The following MINDY2 variants were observed in gnomAD, a reference collection of about 807,000 sequenced individuals.
The protein encoded by MINDY2 is MINDY lysine 48 deubiquitinase 2.
A neutral mutation model predicts 68.2 loss-of-function variants in MINDY2; 52 were observed. That is an observed-to-expected ratio of 0.76 (90% confidence interval 0.61 to 0.96). MINDY2 has a LOEUF of 0.96. MINDY2 is among the 40% of genes least tolerant of loss of function. MINDY2 has a pLI of 0.00. For synonymous variants in MINDY2, 372 were observed against 303.0 expected (o/e 1.23, Z -2.36); for missense variants, 881 against 773.4 (o/e 1.14, Z -1.65).
chr15:58,823,708 G>A (rs1019776997), intron 5 of MINDY2, among the ~76,000 whole-genome samples: 4 of 151,886 alleles, frequency 2.6e-5, no homozygotes, highest in Non-Finnish European at 4.4e-5. Context: ...GTATAGAGTC[G>A]TTGATCATTG....
chr15:58,783,911 ACTCCAGC>A (rs1173392888), intron 1 of MINDY2, among the ~76,000 whole-genome samples: 1 of 151,956 alleles, frequency 6.6e-6, no homozygotes, highest in African/African-American at 2.4e-5. Flanking sequence ...TTGCCACTGC[ACTCCAGC>A]CTGGACGATA....
chr15:58,809,527 G>A (rs1048533183), intron 3 of MINDY2, among the ~76,000 whole-genome samples: 2 of 152,014 alleles, frequency 1.3e-5, no homozygotes, highest in African/African-American at 2.4e-5. Flanking sequence ...AATGAGCGTG[G>A]GTGTACAACT....
chr15:58,840,134 C>T (rs1157863766), intron 6 of MINDY2, among the ~76,000 whole-genome samples: 1 of 152,042 alleles, frequency 6.6e-6, no homozygotes, highest in Non-Finnish European at 1.5e-5. Flanking sequence ...CGTTTGGCCT[C>T]GATTTTATCT....
intron 3 of MINDY2, among the ~76,000 whole-genome samples, chr15:58,804,856 A>G (rs1343177314): frequency 1.3e-5 from 2 of 152,120 alleles, no homozygotes; most frequent in Non-Finnish European, 2.9e-5. Flanking sequence ...AGCCAGTTAC[A>G]GTGGTTCACA....
Position 58,855,588 on chromosome 15 carries a change from TTAGAGA to T in MINDY2, c.*981_*986del, listed in dbSNP as rs1352248853. The T allele has an allele frequency of 6.6e-6, 1 of 152,652 alleles. No homozygotes were observed. The highest frequency in any genetic ancestry group is 1.5e-5 in the Non-Finnish European group (1 of 68,040). The allele number at this position is 152,652 out of a possible 1,614,324, so 9.5% of individuals were successfully genotyped here. ...GAAAAAGCACATTTCTGAAATGAAGTTAGAGATAATCTCTGTGTCTTATAAAAAGAC... is the reference window on the plus strand; with the variant it reads ...GAAAAAGCACATTTCTGAAATGAAGTTAATCTCTGTGTCTTATAAAAAGAC... On this transcript the variant is annotated 3_prime_UTR_variant, in exon 9 of 9. Transcript: ENST00000559228.
In MINDY2 at chr15:58,855,458, G is replaced by C. The variant is rs1222456842; in HGVS notation, c.*848G>C. 6.6e-6 allele frequency: 1 copy of C among 152,602 alleles called. No individual in the cohort carries two copies. The highest frequency in any genetic ancestry group is 1.5e-5 in the Non-Finnish European group (1 of 68,024). The allele number at this position is 152,602 out of a possible 1,614,324, so 9.5% of individuals were successfully genotyped here. On this transcript the variant is annotated 3_prime_UTR_variant, in exon 9 of 9. Transcript: ENST00000559228. ...TAGGCTTTGTAAATATGGGGATGTAGAAAAGCAGATAGTTCAGTGTCTACC... is the reference window on the plus strand; with the variant it reads ...TAGGCTTTGTAAATATGGGGATGTACAAAAGCAGATAGTTCAGTGTCTACC...
intron 8 of MINDY2, among the ~76,000 whole-genome samples, chr15:58,853,602 C>T (rs1042407095): frequency 2.0e-5 from 3 of 151,810 alleles, no homozygotes; most frequent in African/African-American, 2.4e-5. Context: ...AGGTGGATCT[C>T]GAGGCCAGGA....
At chr15:58,811,425 A>G (rs1269821962) in intron 4 of MINDY2, among the ~76,000 whole-genome samples, 2 of 152,228 alleles carry the variant, frequency 1.3e-5, no homozygotes, top group Non-Finnish European at 2.9e-5. Flanking sequence ...TAATGAAGAG[A>G]CTATTTACAA....
At position 58,771,803 on chromosome 15, in the gene MINDY2, C is replaced by T. The variant is rs1349516054; in HGVS notation, c.408C>T (p.Ala136=). Residue 136 remains alanine, a synonymous_variant, in exon 1 of 9, where the codon GCC becomes GCT. Transcript: ENST00000559228. ...AGDAGARPDL[A]GTCQAELTAA... ...ACGCGGGAGCCCGCCCGGATCTCGC[C>T]GGCACCTGCCAAGCAGAACTGACCG... The T allele has an allele frequency of 3.6e-5, 58 of 1,609,826 alleles. No individual in the cohort carries two copies. Among genetic ancestry groups the T allele is most frequent in the Non-Finnish European group, 4.8e-5 (57 of 1,178,890 alleles).
chr15:58,818,815 A>AT (rs1253412852), intron 4 of MINDY2, among the ~76,000 whole-genome samples: 1 of 147,500 alleles, frequency 6.8e-6, no homozygotes, highest in African/African-American at 2.6e-5. Flanking sequence ...AATTTTTTGT[A>AT]TTTTTTGTAG....
chr15:58,848,984 T>C (rs564360141), intron 7 of MINDY2, among the ~76,000 whole-genome samples: 2 of 150,842 alleles, frequency 1.3e-5, no homozygotes, highest in South Asian at 4.2e-4. Flanking sequence ...CTGAGGCAGG[T>C]GGATCACCTG....
rs56031317 is a variant in MINDY2, at chr15:58,845,731, A to G, written c.1369-1566A>G. 3.9e-3 allele frequency among the ~76,000 whole-genome samples: 594 copies of G among 152,344 alleles called. 3 individuals carry two copies. The highest frequency in any genetic ancestry group is 0.013 in the African/African-American group (559 of 41,578). On this transcript the variant is annotated intron_variant, in intron 6 of 8. Transcript: ENST00000559228. ...AAAAGAAAGGAAATCAGTATATCAA[A>G]GAGATATCTGCACTCCCAGGTTTAT...
chr15:58,818,405 A>G (rs1031461959), intron 4 of MINDY2, among the ~76,000 whole-genome samples: 9 of 151,746 alleles, frequency 5.9e-5, no homozygotes, highest in South Asian at 4.2e-4. Context: ...ATAGGCACAC[A>G]CTCCCATGCC....
rs1312222005 is a variant in MINDY2 at position 58,856,120 on chromosome 15, T to A, written c.*1510T>A. 6.5e-6 allele frequency: 1 copy of A among 152,672 alleles called. No individual in the cohort carries two copies. Among genetic ancestry groups the A allele is most frequent in the Non-Finnish European group, 1.5e-5 (1 of 68,048 alleles). The allele number at this position is 152,672 out of a possible 1,614,324, so 9.5% of individuals were successfully genotyped here. On this transcript the variant is annotated 3_prime_UTR_variant, in exon 9 of 9. Transcript: ENST00000559228. ...GGAAAACTATCCTTAATAGTCTGTTTTATATGCCTTATATTTAAAAGTTTG... is the reference window on the plus strand; with the variant it reads ...GGAAAACTATCCTTAATAGTCTGTTATATATGCCTTATATTTAAAAGTTTG...
intron 1 of MINDY2, among the ~76,000 whole-genome samples, chr15:58,787,226 T>G (rs1357260393): frequency 2.1e-5 from 3 of 140,338 alleles, no homozygotes; most frequent in African/African-American, 7.9e-5. Context: ...ACTCCTGACC[T>G]CAAGTGATCT....
intron 2 of MINDY2, among the ~76,000 whole-genome samples, chr15:58,796,740 C>T (rs574737840): frequency 1.2e-4 from 19 of 152,200 alleles, no homozygotes; most frequent in Admixed American, 5.2e-4. Flanking sequence ...CCGGGCTGGT[C>T]TTGAATTCCT....
At position 58,856,167 on chromosome 15, in the gene MINDY2, A is replaced by G. The variant is rs1202626897; in HGVS notation, c.*1557A>G. ...TTTGTTTTAGTTATTTTGAAAGACT[A>G]TTGCTGCTGCAAATAGTTGTGTGCT... On this transcript the variant is annotated 3_prime_UTR_variant, in exon 9 of 9. Coordinates refer to ENST00000559228, the MANE Select transcript of MINDY2 (RefSeq NM_001040450.3). 6.6e-6 allele frequency: 1 copy of G among 152,650 alleles called. No homozygotes were observed. Among genetic ancestry groups the G allele is most frequent in the Non-Finnish European group, 1.5e-5 (1 of 68,044 alleles). The allele number at this position is 152,650 out of a possible 1,614,324, so 9.5% of individuals were successfully genotyped here. A position where few individuals can be genotyped will look rare whatever the true frequency, so the allele number is the denominator to read the frequency against.
chr15:58,829,854 A>G (rs1314138039), intron 5 of MINDY2, among the ~76,000 whole-genome samples: 1 of 152,196 alleles, frequency 6.6e-6, no homozygotes, highest in Non-Finnish European at 1.5e-5. Flanking sequence ...TTGAAGTACT[A>G]TGGTTTGACA....
intron 7 of MINDY2, among the ~76,000 whole-genome samples, chr15:58,848,854 G>C (rs1482415478): frequency 6.6e-6 from 1 of 152,144 alleles, no homozygotes; most frequent in Non-Finnish European, 1.5e-5. Context: ...AGCTATACAG[G>C]GGTGTTGTTT....
Sources: allele counts gnomAD v4.1 joint callset (sites outside exome capture counted in the v4.1 genomes callset), GRCh38; gene constraint gnomAD v4.1.1; transcripts MANE v1.5; gene names NCBI Gene and HGNC (gene_info 2026-07-23, HGNC 2026-07-21).